Variants in LARGE1 observed in about 807,000 individuals in gnomAD.
The protein encoded by LARGE1 is xylosyl- and glucuronyltransferase LARGE1.
In LARGE1, 43 loss-of-function variants were observed where a neutral mutation model predicts 87.6. The observed-to-expected ratio is 0.49, with a 90% CI of 0.38 to 0.63. LARGE1 has a LOEUF of 0.63. LARGE1 is among the 30% of genes least tolerant of loss of function. The pLI is 0.00. For missense variants in LARGE1, 802 were observed against 1,000.2 expected, an observed-to-expected ratio of 0.80 and a Z score of 2.67; for synonymous variants, 434 against 394.6, an observed-to-expected ratio of 1.10 and a Z score of -1.18.
Position 33,772,672 on chromosome 22 carries a change from G to A in LARGE1, c.-82-11114C>T, listed in dbSNP as rs184064925. Among the ~76,000 whole-genome samples the A allele has an allele frequency of 2.4e-4, 37 of 152,016 alleles. No individual in the cohort carries two copies. In the East Asian group the frequency reaches 6.2e-3, roughly 25 times the overall value. ...CCAACTTTGTCTATCACCGTGCTGC[G>A]GTCATTTTCTTCATAGTACTCATCA... On this transcript the variant is annotated intron_variant, in intron 1 of 14. Coordinates refer to ENST00000397394, the MANE Select transcript of LARGE1 (RefSeq NM_133642.5).
chr22:33,440,884 T>C (rs2067442261), intron 6 of LARGE1, among the ~76,000 whole-genome samples: 1 of 152,116 alleles, frequency 6.6e-6, no homozygotes. Flanking sequence ...TGAACTGTGA[T>C]GGTCTTAATG....
intron 6 of LARGE1, among the ~76,000 whole-genome samples, chr22:33,484,719 T>C (rs963628657): frequency 6.6e-6 from 1 of 152,168 alleles, no homozygotes; most frequent in Admixed American, 6.5e-5. Flanking sequence ...CGCCAACAGG[T>C]GCAGCATCAG....
intron 9 of LARGE1, among the ~76,000 whole-genome samples, chr22:33,344,419 A>G (rs1385888411): frequency 3.3e-5 from 5 of 152,154 alleles, no homozygotes; most frequent in Admixed American, 2.0e-4. Flanking sequence ...TCCATTTTAA[A>G]CTACAAGTAT....
chr22:33,636,354 G>A (rs1170192758), intron 3 of LARGE1, among the ~76,000 whole-genome samples: 1 of 152,118 alleles, frequency 6.6e-6, no homozygotes, highest in Non-Finnish European at 1.5e-5. Flanking sequence ...AATGATCAGT[G>A]TAGCGCCATG....
At chr22:33,684,170 C>G (rs1031672315) in intron 2 of LARGE1, among the ~76,000 whole-genome samples, 1 of 152,090 alleles carries the variant, frequency 6.6e-6, no homozygotes, top group Non-Finnish European at 1.5e-5. Flanking sequence ...ACGTTGTACA[C>G]CCGGTGAATG....
chr22:33,429,959 C>T (rs138808363), intron 7 of LARGE1, among the ~76,000 whole-genome samples: 2 of 152,294 alleles, frequency 1.3e-5, no homozygotes, highest in African/African-American at 4.8e-5. Flanking sequence ...TTAATCAGAG[C>T]AGGCCCTTGG....
chr22:33,123,884 TG>T, the LARGE1 span, among the ~76,000 whole-genome samples: 1 of 152,208 alleles, frequency 6.6e-6, no homozygotes, highest in Non-Finnish European at 1.5e-5. Flanking sequence ...TGGGTGGGCT[TG>T]GCTGCTAGAG....
intron 10 of LARGE1, among the ~76,000 whole-genome samples, chr22:33,333,943 A>G (rs1938078135): frequency 6.6e-6 from 1 of 151,476 alleles, no homozygotes; most frequent in African/African-American, 2.4e-5. Context: ...ACACAGCGAA[A>G]ACCTGTCTCT....
chr22:33,641,449 T>C (rs2080430300), intron 3 of LARGE1, among the ~76,000 whole-genome samples: 1 of 150,962 alleles, frequency 6.6e-6, no homozygotes, highest in South Asian at 2.1e-4. Flanking sequence ...ATGCTGAAAA[T>C]AACAAAAACC....
intron 11 of LARGE1, among the ~76,000 whole-genome samples, chr22:33,173,423 A>T (rs1922686805): frequency 6.6e-6 from 1 of 152,214 alleles, no homozygotes; most frequent in Non-Finnish European, 1.5e-5. Flanking sequence ...GATCATCGAC[A>T]CTATGAAGAA....
At chr22:33,713,977 A>G (rs1979253) in intron 2 of LARGE1, among the ~76,000 whole-genome samples, 13,939 of 111,206 alleles carry the variant, frequency 0.13, 1,082 homozygotes, top group African/African-American at 0.28. Context: ...ATAACGTAAC[A>G]TAACGTAACA....
intron 7 of LARGE1, among the ~76,000 whole-genome samples, chr22:33,429,637 T>C (rs1222386541): frequency 6.6e-6 from 1 of 152,184 alleles, no homozygotes; most frequent in African/African-American, 2.4e-5. Context: ...GGCACTGCAG[T>C]ATATTTCTAT....
At chr22:33,503,754 G>C (rs951363892) in intron 6 of LARGE1, among the ~76,000 whole-genome samples, 1 of 151,652 alleles carries the variant, frequency 6.6e-6, no homozygotes, top group Non-Finnish European at 1.5e-5. Context: ...AGCCAAGATC[G>C]CATCACTGCA....
chr22:33,070,076 C>A, the LARGE1 span, among the ~76,000 whole-genome samples: 2 of 152,202 alleles, frequency 1.3e-5, no homozygotes, highest in Admixed American at 6.5e-5. Context: ...CCCGCCTCGG[C>A]CTCCGAAAGT....
At chr22:33,892,639 A>C (rs1198256358) in intron 1 of LARGE1, among the ~76,000 whole-genome samples, 1 of 152,234 alleles carries the variant, frequency 6.6e-6, no homozygotes, top group Non-Finnish European at 1.5e-5. Flanking sequence ...AATGAATGAA[A>C]GAAGACTGAC....
In LARGE1 at chr22:33,274,392, C is replaced by T. The variant is rs1928738309; in HGVS notation, c.*35G>A. ...CAAACAGCGAGTGGCACTTCCCCTA[C>T]AGCATGTCTCCCCCTAGTGGTGGGC... On this transcript the variant is annotated 3_prime_UTR_variant, in exon 15 of 15. Coordinates refer to ENST00000397394, the MANE Select transcript of LARGE1 (RefSeq NM_133642.5). The T allele has an allele frequency of 1.2e-5, 19 of 1,605,870 alleles. No individual in the cohort carries two copies. The highest frequency in any genetic ancestry group is 1.6e-5 in the Non-Finnish European group (19 of 1,172,456).
At chr22:33,168,337 G>A (rs1421854675) in intron 11 of LARGE1, among the ~76,000 whole-genome samples, 2 of 152,308 alleles carry the variant, frequency 1.3e-5, no homozygotes, top group East Asian at 3.9e-4. Context: ...TCTAGGAGTA[G>A]CTGTATATAT....
intron 4 of LARGE1, among the ~76,000 whole-genome samples, chr22:33,613,991 A>G (rs769838962): frequency 6.6e-6 from 1 of 152,098 alleles, no homozygotes; most frequent in Non-Finnish European, 1.5e-5. Flanking sequence ...CCCCCCACCC[A>G]GCTGTATGCC....
At chr22:33,819,118 C>A (rs2086743819) in intron 1 of LARGE1, among the ~76,000 whole-genome samples, 1 of 152,196 alleles carries the variant, frequency 6.6e-6, no homozygotes, top group Non-Finnish European at 1.5e-5. Context: ...AGTGACGTCA[C>A]CAGCAGCCCA....
Sources: allele counts gnomAD v4.1 joint callset (sites outside exome capture counted in the v4.1 genomes callset), GRCh38; gene constraint gnomAD v4.1.1; transcripts MANE v1.5; gene names NCBI Gene and HGNC (gene_info 2026-07-23, HGNC 2026-07-21).